The following LIPA variants were observed in gnomAD, a reference collection of about 807,000 sequenced individuals.
LIPA encodes the protein lysosomal acid lipase/cholesteryl ester hydrolase.
Under a neutral mutation model 40.6 loss-of-function variants are expected in LIPA, and 26 were observed. That is an observed-to-expected ratio of 0.64 (90% confidence interval 0.47 to 0.89). The LOEUF is 0.89. Ranked by LOEUF, LIPA falls within the 40% of genes least tolerant of loss-of-function variation. LIPA has a pLI of 0.00. For missense variants in LIPA, 455 were observed against 479.6 expected (o/e 0.95, Z 0.48); for synonymous variants, 188 against 168.4 (o/e 1.12, Z -0.90).
chr10:89,252,818 A>AAC (rs1843149107), upstream of LIPA, among the ~76,000 whole-genome samples: 2 of 151,938 alleles, frequency 1.3e-5, 1 homozygote, highest in African/African-American at 4.8e-5. Flanking sequence ...AAAAAAAAAA[A>AAC]AAAACAGGGA....
rs925665952 is a variant in LIPA at position 89,281,270 on chromosome 10, C to T, written c.-1-33621G>A. Among the ~76,000 whole-genome samples the T allele has an allele frequency of 8.5e-5, 13 of 152,244 alleles. No homozygotes were observed. The East Asian group carries it at 1.9e-3, about 23-fold the overall frequency. Reference sequence around the variant, plus strand: ...AGCCACTTTATCAAGAATGCCCCCCCACCCTGATATACAATTAAGTACTTC... The same window carrying T: ...AGCCACTTTATCAAGAATGCCCCCCTACCCTGATATACAATTAAGTACTTC... On this transcript the variant is annotated intron_variant, in intron 1 of 5. Coordinates refer to the LIPA transcript ENST00000282673.
intron 2 of LIPA, chr10:89,383,413 G>C: frequency 6.2e-7 from 1 of 1,614,196 alleles, no homozygotes; most frequent in South Asian, 1.1e-5. Flanking sequence ...TGAAATTCCT[G>C]ATTTAGAAAA....
intron 2 of LIPA, among the ~76,000 whole-genome samples, chr10:89,379,788 A>G (rs564112103): frequency 3.4e-4 from 52 of 152,266 alleles, no homozygotes; most frequent in Non-Finnish European, 5.6e-4. Flanking sequence ...TAATCCCAGC[A>G]CTTTGGGAGG....
At chr10:89,220,013 A>C (rs937880488) in intron 8 of LIPA, among the ~76,000 whole-genome samples, 4 of 152,170 alleles carry the variant, frequency 2.6e-5, no homozygotes, top group African/African-American at 9.7e-5. Context: ...GCTGGATAAG[A>C]GGGCTGGAAC....
chr10:89,305,827 T>C (rs1310263657), intron 1 of LIPA: 5 of 665,756 alleles, frequency 7.5e-6, no homozygotes, highest in Non-Finnish European at 1.3e-5. Context: ...AAACATATTA[T>C]AGAAAGAAAA....
intron 2 of LIPA, chr10:89,383,537 T>C (rs1844178839): frequency 1.2e-6 from 2 of 1,614,136 alleles, no homozygotes. Context: ...CTGGTCAGCT[T>C]GAAAAAGGCT....
intron 3 of LIPA, among the ~76,000 whole-genome samples, chr10:89,239,860 C>T (rs1276411440): frequency 6.6e-6 from 1 of 152,204 alleles, no homozygotes; most frequent in African/African-American, 2.4e-5. Context: ...TACGATGCAG[C>T]TGGGAATCAA....
chr10:89,289,824 G>T (rs911828432), intron 1 of LIPA, among the ~76,000 whole-genome samples: 2 of 151,984 alleles, frequency 1.3e-5, no homozygotes, highest in Non-Finnish European at 2.9e-5. Flanking sequence ...TCTTATTCTC[G>T]TTCCCATTCT....
At chr10:89,323,962 C>T (rs376300155) in intron 1 of LIPA, among the ~76,000 whole-genome samples, 2 of 152,252 alleles carry the variant, frequency 1.3e-5, no homozygotes, top group East Asian at 1.9e-4. Context: ...TGCTCAAATA[C>T]CCAAAGCAAT....
At chr10:89,403,708 CT>C in intron 2 of LIPA, 1 of 1,536,610 alleles carries the variant, frequency 6.5e-7, no homozygotes, top group Non-Finnish European at 8.8e-7. Context: ...AGACAAGGTC[CT>C]TAGGCACCCA....
chr10:89,349,198 G>T (rs1482949270), intron 2 of LIPA, among the ~76,000 whole-genome samples: 10 of 152,162 alleles, frequency 6.6e-5, no homozygotes. Flanking sequence ...TCACTGGAGA[G>T]AACACTGGAG....
chr10:89,321,454 C>A (rs1189583531), intron 1 of LIPA, among the ~76,000 whole-genome samples: 1 of 152,142 alleles, frequency 6.6e-6, no homozygotes, highest in Non-Finnish European at 1.5e-5. Context: ...ATGCAGCCAA[C>A]AGACACATGA....
rs147956361 is a variant in LIPA at position 89,280,196 on chromosome 10, T to C, written c.-1-32547A>G. On this transcript the variant is annotated intron_variant, in intron 1 of 5. Transcript: ENST00000282673. ...AGCACATTATGATCCAAGTTTAACT[T>C]CAGACTTTTATTTTGTTTATACTGA... 9.4e-3 allele frequency among the ~76,000 whole-genome samples: 1,432 copies of C among 152,252 alleles called. 15 individuals carry two copies. The highest frequency in any genetic ancestry group is 0.024 in the Middle Eastern group (7 of 294).
chr10:89,235,590 TAGGTGGGGAAG>T (rs1221977905), intron 3 of LIPA, among the ~76,000 whole-genome samples: 1 of 152,050 alleles, frequency 6.6e-6, no homozygotes, highest in Non-Finnish European at 1.5e-5. Context: ...GATGACCGGG[TAGGTGGGGAAG>T]TTCCTCCTGC....
intron 2 of LIPA, among the ~76,000 whole-genome samples, chr10:89,363,726 A>G (rs992318650): frequency 1.2e-4 from 17 of 146,528 alleles, no homozygotes; most frequent in African/African-American, 3.7e-4. Flanking sequence ...GCAGTGAGCT[A>G]AGATCATGCC....
intron 2 of LIPA, among the ~76,000 whole-genome samples, chr10:89,377,445 T>A (rs1178880947): frequency 6.6e-6 from 1 of 152,178 alleles, no homozygotes; most frequent in African/African-American, 2.4e-5. Flanking sequence ...TATGCTTGAA[T>A]AGGCTCCACT....
At chr10:89,375,333 C>T (rs1844113788) in intron 2 of LIPA, among the ~76,000 whole-genome samples, 1 of 152,210 alleles carries the variant, frequency 6.6e-6, no homozygotes, top group South Asian at 2.1e-4. Context: ...TGAGCAACAT[C>T]ATCTTGTGCG....
intron 2 of LIPA, among the ~76,000 whole-genome samples, chr10:89,350,020 C>T (rs531422661): frequency 1.3e-5 from 2 of 152,274 alleles, no homozygotes; most frequent in African/African-American, 4.8e-5. Flanking sequence ...GTAACTAGCC[C>T]TCATCTACCA....
At chr10:89,358,506 C>T (rs1844001605) in intron 2 of LIPA, among the ~76,000 whole-genome samples, 1 of 151,988 alleles carries the variant, frequency 6.6e-6, no homozygotes, top group African/African-American at 2.4e-5. Context: ...TTCACAATAG[C>T]CAAGATATAA....
Sources: gnomAD v4.1 joint callset for allele counts (sites outside exome capture counted in the v4.1 genomes callset) on GRCh38, gnomAD v4.1.1 for gene constraint, MANE v1.5 for transcripts, NCBI Gene and HGNC (gene_info 2026-07-23, HGNC 2026-07-21) for gene names.